Variants in GALNT13 observed in about 807,000 individuals in gnomAD.
GALNT13 encodes the protein polypeptide N-acetylgalactosaminyltransferase 13, also known as UDP-GalNAc:polypeptide N-acetylgalactosaminyltransferase 13.
In GALNT13, 28 loss-of-function variants were observed where a neutral mutation model predicts 64.2. The observed-to-expected ratio is 0.44, with a 90% CI of 0.32 to 0.60. The LOEUF is 0.60. Ranked by LOEUF, GALNT13 falls within the 20% of genes least tolerant of loss-of-function variation. The pLI, the probability that GALNT13 is intolerant of heterozygous loss-of-function variation, is 0.05. For synonymous variants in GALNT13, 214 were observed against 224.6 expected (o/e 0.95, Z 0.42); for missense variants, 577 against 669.8 (o/e 0.86, Z 1.53).
chr2:153,453,128 T>G, the GALNT13 span, among the ~76,000 whole-genome samples: 35 of 152,148 alleles, frequency 2.3e-4, no homozygotes, highest in Non-Finnish European at 2.9e-4. Flanking sequence ...CAAGATGGAT[T>G]AAAGATTTAA....
At chr2:153,928,101 CT>C (rs1402610385) in intron 2 of GALNT13, among the ~76,000 whole-genome samples, 3 of 152,142 alleles carry the variant, frequency 2.0e-5, no homozygotes, top group African/African-American at 7.2e-5. Flanking sequence ...CTTTATTTCA[CT>C]TTCTATCCCC....
At chr2:153,729,681 G>C in the GALNT13 span, among the ~76,000 whole-genome samples, 2 of 151,922 alleles carry the variant, frequency 1.3e-5, no homozygotes, top group East Asian at 3.9e-4. Context: ...CATCCAGATA[G>C]AAAAAAGAGG....
the GALNT13 span, among the ~76,000 whole-genome samples, chr2:153,347,032 C>A: frequency 3.9e-5 from 6 of 152,196 alleles, no homozygotes; most frequent in Non-Finnish European, 8.8e-5. Flanking sequence ...TTATCAGTGT[C>A]TTTCTCTCAA....
the GALNT13 span, among the ~76,000 whole-genome samples, chr2:153,569,636 C>T: frequency 2.6e-5 from 4 of 151,744 alleles, no homozygotes; most frequent in East Asian, 1.9e-4. Flanking sequence ...AATCACATCA[C>T]GGAAAATAGG....
At chr2:154,171,971 TACACACACACAC>T (rs57343446) in intron 4 of GALNT13, among the ~76,000 whole-genome samples, 2 of 144,214 alleles carry the variant, frequency 1.4e-5, no homozygotes, top group Admixed American at 7.0e-5. Context: ...TTCTTTCTCA[TACACACACACAC>T]ACACACACAC....
At chr2:153,091,279 G>A in the GALNT13 span, among the ~76,000 whole-genome samples, 1 of 152,044 alleles carries the variant, frequency 6.6e-6, no homozygotes, top group Non-Finnish European at 1.5e-5. Flanking sequence ...TCAAGCTGAA[G>A]ACTCAGAGTG....
chr2:153,693,264 C>T, the GALNT13 span, among the ~76,000 whole-genome samples: 1 of 152,150 alleles, frequency 6.6e-6, no homozygotes, highest in Non-Finnish European at 1.5e-5. Context: ...ACAATACAGA[C>T]TTTTGAATTT....
intron 8 of GALNT13, among the ~76,000 whole-genome samples, chr2:154,285,306 G>A (rs1331493892): frequency 6.6e-6 from 1 of 152,058 alleles, no homozygotes; most frequent in Non-Finnish European, 1.5e-5. Context: ...CTAATATCAT[G>A]GAGTTTTTTC....
the GALNT13 span, among the ~76,000 whole-genome samples, chr2:153,149,458 T>G: frequency 2.0e-5 from 3 of 151,864 alleles, no homozygotes; most frequent in African/African-American, 7.2e-5. Context: ...GTCACTTGTG[T>G]GATTTCCTGG....
At chr2:154,415,412 T>C (rs2105408576) in intron 11 of GALNT13, among the ~76,000 whole-genome samples, 1 of 152,230 alleles carries the variant, frequency 6.6e-6, no homozygotes. Context: ...ATGTTTCTTT[T>C]TCTCCCTGGA....
chr2:153,899,623 T>A (rs980165679), intron 1 of GALNT13, among the ~76,000 whole-genome samples: 1 of 152,084 alleles, frequency 6.6e-6, no homozygotes, highest in African/African-American at 2.4e-5. Flanking sequence ...TTTAACATAC[T>A]AGAGGAAGAT....
chr2:153,569,424 G>T, the GALNT13 span, among the ~76,000 whole-genome samples: 1 of 151,224 alleles, frequency 6.6e-6, no homozygotes, highest in Non-Finnish European at 1.5e-5. Context: ...TGTAAAATTG[G>T]TTTTGGGTTC....
the GALNT13 span, among the ~76,000 whole-genome samples, chr2:153,249,826 G>T: frequency 2.0e-5 from 3 of 152,062 alleles, no homozygotes; most frequent in African/African-American, 7.2e-5. Flanking sequence ...CTAGCCATAC[G>T]CAGAAAACAG....
At chr2:153,343,404 G>T in the GALNT13 span, among the ~76,000 whole-genome samples, 2 of 152,182 alleles carry the variant, frequency 1.3e-5, no homozygotes, top group South Asian at 2.1e-4. Flanking sequence ...TTAAAATCAA[G>T]AAGAGTTTTA....
At chr2:154,384,853 G>A (rs539875292) in intron 9 of GALNT13, among the ~76,000 whole-genome samples, 1 of 151,794 alleles carries the variant, frequency 6.6e-6, no homozygotes, top group Admixed American at 6.6e-5. Context: ...TTTTATCTTG[G>A]TACTTTTTTA....
At chr2:153,882,179 G>T (rs10209986) in intron 1 of GALNT13, among the ~76,000 whole-genome samples, 113,294 of 147,604 alleles carry the variant, frequency 0.77, 43,816 homozygotes, top group East Asian at 0.96. Flanking sequence ...TAGAATGTAG[G>T]GGGGGGTCGA....
chr2:153,871,068 C>G (rs1273291164), upstream of GALNT13, among the ~76,000 whole-genome samples: 1 of 152,202 alleles, frequency 6.6e-6, no homozygotes, highest in Non-Finnish European at 1.5e-5. Flanking sequence ...TCTTAGGTTT[C>G]TGCCTTGTGC....
chr2:154,117,241 A>T (rs1681631668), intron 3 of GALNT13, among the ~76,000 whole-genome samples: 1 of 152,158 alleles, frequency 6.6e-6, no homozygotes. Flanking sequence ...CACACTCAGC[A>T]TCAATACTTT....
At chr2:154,149,326 A>T (rs1269747652) in intron 4 of GALNT13, among the ~76,000 whole-genome samples, 9 of 152,102 alleles carry the variant, frequency 5.9e-5, no homozygotes, top group African/African-American at 1.7e-4. Flanking sequence ...TTTTCGTTAC[A>T]GTAGCCTTGT....
Sources: allele counts gnomAD v4.1 joint callset (sites outside exome capture counted in the v4.1 genomes callset), GRCh38; gene constraint gnomAD v4.1.1; transcripts MANE v1.5; gene names NCBI Gene and HGNC (gene_info 2026-07-23, HGNC 2026-07-21).